Variants in CSNK1A1 observed in about 807,000 individuals in gnomAD.
CSNK1A1 encodes casein kinase 1 alpha 1, also known as casein kinase I isoform alpha.
CSNK1A1 carries 7 observed loss-of-function variants against 46.1 expected under a neutral mutation model. That is an observed-to-expected ratio of 0.15 (90% CI 0.09 to 0.29). The LOEUF (loss-of-function observed/expected upper bound fraction) is 0.29, where lower values mean the gene tolerates loss of function less well. Ranked by LOEUF, CSNK1A1 falls within the 10% of genes least tolerant of loss-of-function variation. The probability of loss-of-function intolerance (pLI) is 1.00; values close to 1 mark genes in which losing one functional copy is unlikely to be tolerated. For synonymous variants in CSNK1A1, 137 were observed against 141.5 expected (o/e 0.97, Z 0.23); for missense variants, 96 against 417.1 (o/e 0.23, Z 6.71).
At chr5:149,498,348 A>G (rs1760722596) in intron 9 of CSNK1A1, 3 of 985,302 alleles carry the variant, frequency 3.0e-6, no homozygotes, top group African/African-American at 1.7e-5. Flanking sequence ...CATAACTTTG[A>G]GAATATACTT....
Position 149,550,311 on chromosome 5 carries a change from C to G in CSNK1A1, c.124-130G>C. On this transcript the variant is annotated intron_variant, in intron 1 of 9. Coordinates refer to ENST00000377843, the MANE Select transcript of CSNK1A1 (RefSeq NM_001892.6). This position sits in a 1 kb window ranked among gnomAD's most constrained non-coding sequence, Gnocchi z 4.3. ...GAAGTGAAAAGCTGGAAAGAGAAAGCTCTCGGTAATTATAAAACGAGGCAA... is the reference window on the plus strand; with the variant it reads ...GAAGTGAAAAGCTGGAAAGAGAAAGGTCTCGGTAATTATAAAACGAGGCAA... 6.8e-7 allele frequency: 1 copy of G among 1,467,042 alleles called. No individual in the cohort carries two copies. Among genetic ancestry groups the G allele is most frequent in the East Asian group, 2.4e-5 (1 of 41,888 alleles). 90.9% of individuals were successfully genotyped at this position (1,467,042 alleles called of 1,614,324 possible). A position where few individuals can be genotyped will look rare whatever the true frequency, so the allele number is the denominator to read the frequency against.
intron 2 of CSNK1A1, among the ~76,000 whole-genome samples, chr5:149,543,070 C>T (rs1021204259): frequency 1.3e-5 from 2 of 152,056 alleles, no homozygotes; most frequent in African/African-American, 4.8e-5. Context: ...CACCCTGAAT[C>T]GTAAGCATCT....
At chr5:149,542,317 G>C (rs1762258955) in intron 2 of CSNK1A1, among the ~76,000 whole-genome samples, 1 of 151,850 alleles carries the variant, frequency 6.6e-6, no homozygotes, top group Admixed American at 6.6e-5. Flanking sequence ...GGCTCCCATT[G>C]ATTCTACATC....
chr5:149,543,801 G>A (rs1437056774), intron 2 of CSNK1A1, among the ~76,000 whole-genome samples: 4 of 152,014 alleles, frequency 2.6e-5, no homozygotes. Flanking sequence ...GAGGCAGGAG[G>A]ATCATTTGAG....
rs886437128 is a variant in CSNK1A1, at chr5:149,496,685, C to T, written c.*168G>A. The T allele has an allele frequency of 3.3e-5, 26 of 790,216 alleles. 1 individual carries two copies. The South Asian group carries it at 5.4e-4, about 16-fold the overall frequency. The allele number at this position is 790,216 out of a possible 1,614,324, so 49.0% of individuals were successfully genotyped here. On this transcript the variant is annotated 3_prime_UTR_variant, in exon 10 of 10. Transcript: ENST00000377843. ...GGCTACAACTCAGGATACAGCATCA[C>T]CAATGCTGCCCAGAGTCAGTTTATA...
At chr5:149,541,344 G>A (rs1762223711) in intron 2 of CSNK1A1, among the ~76,000 whole-genome samples, 1 of 151,754 alleles carries the variant, frequency 6.6e-6, no homozygotes, top group African/African-American at 2.4e-5. Context: ...GTAGAGACAG[G>A]ATTTCACCAT....
At chr5:149,509,099 A>T (rs1761130797) in intron 7 of CSNK1A1, among the ~76,000 whole-genome samples, 1 of 151,748 alleles carries the variant, frequency 6.6e-6, no homozygotes, top group Non-Finnish European at 1.5e-5. Context: ...TAATTTTTGC[A>T]TTTTTTGTAG....
chr5:149,505,231 A>G, intron 9 of CSNK1A1: 1 of 1,281,780 alleles, frequency 7.8e-7, no homozygotes, highest in Middle Eastern at 2.9e-4. Flanking sequence ...ACACACATAT[A>G]TGTATATACA....
chr5:149,528,971 T>C (rs1417657088), intron 2 of CSNK1A1, among the ~76,000 whole-genome samples: 2 of 152,194 alleles, frequency 1.3e-5, no homozygotes. Flanking sequence ...GTCTTACCTT[T>C]AGACATTTTT....
chr5:149,544,661 G>A (rs1278556399), intron 2 of CSNK1A1, among the ~76,000 whole-genome samples: 1 of 147,010 alleles, frequency 6.8e-6, no homozygotes, highest in Non-Finnish European at 1.5e-5. Flanking sequence ...GTTTTTTTCT[G>A]CCTCTGCTAC....
chr5:149,502,605 G>A (rs1760905501), intron 9 of CSNK1A1: 2 of 858,460 alleles, frequency 2.3e-6, no homozygotes, highest in Non-Finnish European at 2.8e-6. Context: ...AACTCCTAGG[G>A]TCAAGCAATT....
intron 3 of CSNK1A1, among the ~76,000 whole-genome samples, chr5:149,524,476 A>G (rs1431658656): frequency 1.3e-5 from 2 of 152,168 alleles, no homozygotes; most frequent in Non-Finnish European, 2.9e-5. Context: ...CTTTGGCTGT[A>G]AAAACCATTT....
At position 149,504,175 on chromosome 5, in the gene CSNK1A1, A is replaced by G. The variant is rs77689401; in HGVS notation, c.1006+1272T>C. On this transcript the variant is annotated intron_variant, in intron 9 of 9. Coordinates refer to ENST00000377843, the MANE Select transcript of CSNK1A1 (RefSeq NM_001892.6). ...CATTAGGGTTTGCTATCCTGAGTTT[A>G]CATGTCACCATCTGAAAAACCCAAC... 2,452 of 985,432 alleles carry G rather than the reference A, an allele frequency of 2.5e-3. 48 individuals are homozygous for G. The African/African-American group carries it at 0.039, about 16-fold the overall frequency. 61.0% of individuals were successfully genotyped at this position (985,432 alleles called of 1,614,324 possible).
chr5:149,508,786 T>A (rs919515141), intron 7 of CSNK1A1, among the ~76,000 whole-genome samples: 4 of 152,246 alleles, frequency 2.6e-5, no homozygotes, highest in Non-Finnish European at 5.9e-5. Flanking sequence ...TATAGATTAA[T>A]GAGGTTCTAT....
Position 149,497,667 on chromosome 5 carries a change from C to T in CSNK1A1, c.1007-807G>A, listed in dbSNP as rs938362657. ...AATAGCCTGAAAATCTCTTAAGCACCGTTTTTCCTCTCACCAGACACCCAC... is the reference window on the plus strand; with the variant it reads ...AATAGCCTGAAAATCTCTTAAGCACTGTTTTTCCTCTCACCAGACACCCAC... On this transcript the variant is annotated intron_variant, in intron 9 of 9. Coordinates refer to ENST00000377843, the MANE Select transcript of CSNK1A1 (RefSeq NM_001892.6). 4 of 985,330 alleles carry T rather than the reference C, an allele frequency of 4.1e-6. No individual in the cohort carries two copies. In the African/African-American group the frequency reaches 5.2e-5, roughly 13 times the overall value. The allele number at this position is 985,330 out of a possible 1,614,324, so 61.0% of individuals were successfully genotyped here.
chr5:149,507,332 C>T (rs1211328553), intron 7 of CSNK1A1, among the ~76,000 whole-genome samples, 199 bp from the exon 8 acceptor site: 1 of 152,082 alleles, frequency 6.6e-6, no homozygotes, highest in African/African-American at 2.4e-5. Context: ...CTATTATGTA[C>T]AATATTAGTA....
Position 149,551,109 on chromosome 5 carries a change from C to G in CSNK1A1, c.-145G>C, listed in dbSNP as rs1762645680. On this transcript the variant is annotated 5_prime_UTR_variant, in exon 1 of 10. Coordinates refer to ENST00000377843, the MANE Select transcript of CSNK1A1 (RefSeq NM_001892.6). ...GAGGCCTTTACCGGGGTTCGGGGCC[C>G]AGAATCAGCAGAGGGGAACCTGATC... 7.5e-6 allele frequency: 6 copies of G among 801,576 alleles called. No individual in the cohort carries two copies. In the South Asian group the frequency reaches 1.0e-4, roughly 13 times the overall value. 49.7% of individuals were successfully genotyped at this position (801,576 alleles called of 1,614,324 possible). A position where few individuals can be genotyped will look rare whatever the true frequency, so the allele number is the denominator to read the frequency against.
intron 3 of CSNK1A1, among the ~76,000 whole-genome samples, chr5:149,520,690 G>T (rs1197436565): frequency 6.6e-6 from 1 of 152,134 alleles, no homozygotes; most frequent in African/African-American, 2.4e-5. Flanking sequence ...CTGTATAATA[G>T]TTTCAGTTGC....
At position 149,494,550 on chromosome 5, in the gene CSNK1A1, C is replaced by T. The variant is rs1427355162; in HGVS notation, c.*2303G>A. On this transcript the variant is annotated 3_prime_UTR_variant, in exon 10 of 10. Coordinates refer to ENST00000377843, the MANE Select transcript of CSNK1A1 (RefSeq NM_001892.6). ...CAATTTCAGAGTGATGTGTCTTCAACTTGTATCATCATTTTAGCGGAAAAA... is the reference window on the plus strand; with the variant it reads ...CAATTTCAGAGTGATGTGTCTTCAATTTGTATCATCATTTTAGCGGAAAAA... The T allele has an allele frequency of 6.6e-6, 1 of 152,154 alleles. No individual in the cohort carries two copies. The allele number at this position is 152,154 out of a possible 1,614,324, so 9.4% of individuals were successfully genotyped here.
Sources: gnomAD v4.1 joint callset for allele counts (sites outside exome capture counted in the v4.1 genomes callset) on GRCh38, gnomAD v4.1.1 for gene constraint, Gnocchi (gnomAD v3.1) non-coding constraint, MANE v1.5 for transcripts, NCBI Gene and HGNC (gene_info 2026-07-23, HGNC 2026-07-21) for gene names.